Variants in INS observed in about 807,000 individuals in gnomAD.
The protein encoded by INS is preproinsulin.
INS carries 6 observed loss-of-function variants against 10.5 expected under a neutral mutation model. The observed-to-expected ratio is 0.57, with a 90% CI of 0.31 to 1.13. The LOEUF (loss-of-function observed/expected upper bound fraction) is 1.13. INS is among the 50% of genes most tolerant of loss of function. INS has a pLI of 0.05. For synonymous variants in INS, 71 were observed against 62.7 expected (o/e 1.13, Z -0.63); for missense variants, 109 against 138.6 (o/e 0.79, Z 1.07).
chr11:2,159,919 C>T lies in INS; in HGVS notation c.266G>A (p.Arg89His), dbSNP rs28933985. 12 of 1,603,692 alleles carry T rather than the reference C, an allele frequency of 7.5e-6. No homozygotes were observed. The highest frequency in any genetic ancestry group is 1.3e-5 in the African/African-American group (1 of 74,868). Residue 89 changes from arginine (R) to histidine (H), a missense_variant, in exon 3 of 3, where the codon CGT becomes CAT. Arg to His is a conservative substitution (Grantham distance 29). This residue lies in a region of INS where 108 missense variants were observed against 118.0 expected (regional missense o/e 0.92). Coordinates refer to ENST00000381330, the MANE Select transcript of INS (RefSeq NM_000207.3). The stretch of plus-strand genomic sequence containing the variant: ...GGTACAGCATTGTTCCACAATGCCA[C>T]GCTTCTGCAGGGACCCCTCCAGGGC... ...PLALEGSLQK[R>H]GIVEQCCTSI...
At position 2,159,822 on chromosome 11, in the gene INS, G is replaced by A. The variant is rs753183182; in HGVS notation, c.*30C>T. 11 of 1,607,720 alleles carry A rather than the reference G, an allele frequency of 6.8e-6. No individual in the cohort carries two copies. Among genetic ancestry groups the A allele is most frequent in the South Asian group, 3.3e-5 (3 of 89,802 alleles). ...TTCCATCTCTCTCGGTGCAGGAGGC[G>A]GCGGGTGTGGGGCTGCCTGCGGGCT... is the stretch of plus-strand genomic sequence containing the variant. On this transcript the variant is annotated 3_prime_UTR_variant, in exon 3 of 3. Coordinates refer to ENST00000381330, the MANE Select transcript of INS (RefSeq NM_000207.3).
At position 2,160,898 on chromosome 11, in the gene INS, A is replaced by G; in HGVS notation, c.74T>C (p.Phe25Ser). The G allele has an allele frequency of 6.2e-7, 1 of 1,612,642 alleles. No homozygotes were observed. Among genetic ancestry groups the G allele is most frequent in the Non-Finnish European group, 8.5e-7 (1 of 1,179,834 alleles). ...ALWGPDPAAA[F>S]VNQHLCGSHL... is the part of the protein sequence containing the mutation. ...TGAGCCGCACAGGTGTTGGTTCACAAAGGCTGCGGCTGGGTCAGGTCCCCA... is the reference window on the plus strand; with the variant it reads ...TGAGCCGCACAGGTGTTGGTTCACAGAGGCTGCGGCTGGGTCAGGTCCCCA... Residue 25 changes from phenylalanine to serine, a missense_variant, in exon 2 of 3, where the codon TTT (phenylalanine) becomes TCT (serine). Physicochemically the swap from Phe to Ser is radical, Grantham distance 155. This residue lies in a region of INS where 108 missense variants were observed against 118.0 expected (regional missense o/e 0.92). Coordinates refer to ENST00000381330, the MANE Select transcript of INS (RefSeq NM_000207.3).
In INS at chr11:2,161,119, C is replaced by T. The variant is rs535108540; in HGVS notation, c.-18+49G>A. ...TGCAGAGCTGGGGCCTGGGGTCCAG[C>T]CACCCTGGAATCCTGAGCCCACCTG... On this transcript the variant is annotated intron_variant, in intron 1 of 2. Transcript: ENST00000381330. 49 of 1,186,784 alleles carry T rather than the reference C, an allele frequency of 4.1e-5. No individual in the cohort carries two copies. In the East Asian group the frequency reaches 1.1e-3, roughly 26 times the overall value. 73.5% of individuals were successfully genotyped at this position (1,186,784 alleles called of 1,614,324 possible).
In INS at chr11:2,160,806, G is replaced by A. The variant is rs781016664; in HGVS notation, c.166C>T (p.Arg56Trp). Residue 56 changes from arginine to tryptophan, a missense_variant, in exon 2 of 3, where the codon CGG becomes TGG. Arg to Trp is a moderately radical substitution (Grantham distance 101). Coordinates refer to ENST00000381330, the MANE Select transcript of INS (RefSeq NM_000207.3). ...RGFFYTPKTR[R>W]EAEDLQVGQV... ...TCACCCTGCAGGTCCTCTGCCTCCC[G>A]GCGGGTCTTGGGTGTGTAGAAGAAG... The A allele has an allele frequency of 6.2e-6, 10 of 1,612,410 alleles. No individual in the cohort carries two copies. Among genetic ancestry groups the A allele is most frequent in the Middle Eastern group, 1.7e-4 (1 of 6,056 alleles).
Position 2,159,839 on chromosome 11 carries a change from C to G in INS, c.*13G>C. 1 of 1,610,506 alleles carries G rather than the reference C, an allele frequency of 6.2e-7. No homozygotes were observed. Among genetic ancestry groups the G allele is most frequent in the Non-Finnish European group, 8.5e-7 (1 of 1,179,106 alleles). The stretch of plus-strand genomic sequence containing the variant: ...CAGGAGGCGGCGGGTGTGGGGCTGC[C>G]TGCGGGCTGCGTCTAGTTGCAGTAG... On this transcript the variant is annotated 3_prime_UTR_variant, in exon 3 of 3. Transcript: ENST00000381330.
intron 2 of INS, 96 bp from the exon 3 acceptor site, chr11:2,160,093 C>G: frequency 7.4e-7 from 1 of 1,348,130 alleles, no homozygotes; most frequent in South Asian, 1.3e-5. Context: ...CCCGCCTGCC[C>G]GCCAGCCCTA....
At chr11:2,160,577 C>A (rs1309700339) in intron 2 of INS, among the ~76,000 whole-genome samples, 2 of 152,194 alleles carry the variant, frequency 1.3e-5, no homozygotes, top group Non-Finnish European at 2.9e-5. Context: ...CTGCCGAAGC[C>A]AACACCGTCC....
Position 2,160,029 on chromosome 11 carries a change from G to A in INS, c.188-32C>T, listed in dbSNP as rs13306443. On this transcript the variant is annotated intron_variant, in intron 2 of 2. Coordinates refer to ENST00000381330, the MANE Select transcript of INS (RefSeq NM_000207.3). ...GGACGTGCCGCGCAGAGCAGGTTCC[G>A]GAACAGCGGCGAGGCAGAGGGACAC... 1.1e-4 allele frequency: 168 copies of A among 1,558,464 alleles called. 1 individual carries two copies. The East Asian group carries it at 3.7e-3, about 34-fold the overall frequency.
intron 2 of INS, 37 bp downstream of exon 2, chr11:2,160,748 G>A (rs775130238): frequency 3.1e-6 from 5 of 1,602,848 alleles, no homozygotes; most frequent in East Asian, 4.5e-5. Flanking sequence ...GGGGGTGGCT[G>A]GGGGCGGCCA....
Position 2,161,167 on chromosome 11 carries a change from C to T in INS, c.-18+1G>A. 1.4e-6 allele frequency: 1 copy of T among 713,644 alleles called. No individual in the cohort carries two copies. The highest frequency in any genetic ancestry group is 2.2e-6 in the Non-Finnish European group (1 of 444,700). 44.2% of individuals were successfully genotyped at this position (713,644 alleles called of 1,614,324 possible). On this transcript the variant is annotated splice_donor_variant, in intron 1 of 2. Transcript: ENST00000381330. LOFTEE classifies it low-confidence loss of function (5UTR_SPLICE). ...CTGACGCAAAGGCCCTTGGAACAGACCTGCTTGATGGCCTCTTCTGATGCA... is the reference window on the plus strand; with the variant it reads ...CTGACGCAAAGGCCCTTGGAACAGATCTGCTTGATGGCCTCTTCTGATGCA...
intron 2 of INS, 100 bp downstream of exon 2, chr11:2,160,685 G>A: frequency 2.1e-6 from 3 of 1,462,444 alleles, no homozygotes; most frequent in African/African-American, 2.8e-5. Flanking sequence ...CCCCCTGCTG[G>A]GTGGCAGCCT....
In INS at chr11:2,160,810, G is replaced by A. The variant is rs769540056; in HGVS notation, c.162C>T (p.Thr54=). ...CCTGCAGGTCCTCTGCCTCCCGGCG[G>A]GTCTTGGGTGTGTAGAAGAAGCCTC... ...GERGFFYTPK[T]RREAEDLQVG... Residue 54 remains threonine, a synonymous_variant, in exon 2 of 3, where the codon ACC becomes ACT. Transcript: ENST00000381330. 6.2e-7 allele frequency: 1 copy of A among 1,612,546 alleles called. No individual in the cohort carries two copies. The highest frequency in any genetic ancestry group is 1.7e-5 in the Admixed American group (1 of 60,006).
Position 2,160,823 on chromosome 11 carries a change from T to G in INS, c.149A>C (p.Tyr50Ser). ...YLVCGERGFF[Y>S]TPKTRREAED... is the part of the protein sequence containing the mutation. ...TGCCTCCCGGCGGGTCTTGGGTGTG[T>G]AGAAGAAGCCTCGTTCCCCGCACAC... Residue 50 changes from tyrosine to serine, a missense_variant, in exon 2 of 3, where the codon TAC becomes TCC. Tyr to Ser is a moderately radical substitution (Grantham distance 144, BLOSUM62 -2). This residue lies in a region of INS where 108 missense variants were observed against 118.0 expected (regional missense o/e 0.92). Transcript: ENST00000381330. 2 of 1,612,560 alleles carry G rather than the reference T, an allele frequency of 1.2e-6. No homozygotes were observed. Among genetic ancestry groups the G allele is most frequent in the Non-Finnish European group, 1.7e-6 (2 of 1,179,780 alleles).
Position 2,160,905 on chromosome 11 carries a change from C to T in INS, c.67G>A (p.Ala23Thr), listed in dbSNP as rs13306444. 5.8e-4 allele frequency: 936 copies of T among 1,612,632 alleles called. 12 individuals are homozygous for T. In the East Asian group the frequency reaches 0.02, roughly 34 times the overall value. ...CACAGGTGTTGGTTCACAAAGGCTG[C>T]GGCTGGGTCAGGTCCCCAGAGGGCC... Reference protein sequence around the residue: ...LLALWGPDPAAAFVNQHLCGS... With the variant: ...LLALWGPDPATAFVNQHLCGS... The change falls in exon 2 of 3, where the codon GCA becomes ACA. Residue 23 changes from alanine (A) to threonine (T), a missense_variant. Ala to Thr is a moderately conservative substitution (Grantham distance 58). Transcript: ENST00000381330.
At chr11:2,160,676 C>A (rs1845868910) in intron 2 of INS, 109 bp downstream of exon 2, 3 of 1,370,664 alleles carry the variant, frequency 2.2e-6, no homozygotes, top group African/African-American at 1.4e-5. Flanking sequence ...TGCACCTGAC[C>A]CCCTGCTGGG....
Position 2,160,771 on chromosome 11 carries a change from G to T in INS, c.187+14C>A. 1.2e-6 allele frequency: 2 copies of T among 1,610,548 alleles called. No individual in the cohort carries two copies. Among genetic ancestry groups the T allele is most frequent in the Non-Finnish European group, 1.7e-6 (2 of 1,178,126 alleles). On this transcript the variant is annotated intron_variant, in intron 2 of 2. Transcript: ENST00000381330. ...CTGGGGGCGGCCAGGGGCAGCAATG[G>T]GCAGTTGGCTCACCCTGCAGGTCCT...
In INS at chr11:2,159,991, T is replaced by A. The variant is rs773102009; in HGVS notation, c.194A>T (p.Gln65Leu). The A allele has an allele frequency of 2.5e-6, 4 of 1,583,504 alleles. No individual in the cohort carries two copies. In the Admixed American group the frequency reaches 5.4e-5, roughly 21 times the overall value. ...RREAEDLQVG[Q>L]VELGGGPGAG... ...ACCAGGGCCCCCGCCCAGCTCCACC[T>A]GCCCCACTGCCAGGACGTGCCGCGC... is the stretch of plus-strand genomic sequence containing the variant. The change falls in exon 3 of 3, where the codon CAG (glutamine) becomes CTG (leucine). Residue 65 changes from glutamine to leucine, a missense_variant. By Grantham distance (113) the Gln-to-Leu change is moderately radical (BLOSUM62 -2). This residue lies in a region of INS where 108 missense variants were observed against 118.0 expected (regional missense o/e 0.92). Transcript: ENST00000381330.
chr11:2,160,839 C>T lies in INS; in HGVS notation c.133G>A (p.Glu45Lys). 2 of 1,612,686 alleles carry T rather than the reference C, an allele frequency of 1.2e-6. 1 individual carries two copies. The highest frequency in any genetic ancestry group is 2.2e-5 in the South Asian group (2 of 91,084). The part of the protein sequence containing the change: ...LVEALYLVCG[E>K]RGFFYTPKTR... ...TTGGGTGTGTAGAAGAAGCCTCGTT[C>T]CCCGCACACTAGGTAGAGAGCTTCC... is the stretch of plus-strand genomic sequence containing the variant. Residue 45 changes from glutamate to lysine, a missense_variant, in exon 2 of 3, where the codon GAA becomes AAA. Physicochemically the swap from Glu to Lys is moderately conservative, Grantham distance 56. Around this residue, in one of 2 missense-constraint regions of INS, gnomAD observed 108 missense variants for 118.0 expected, o/e 0.92. Coordinates refer to ENST00000381330, the MANE Select transcript of INS (RefSeq NM_000207.3).
rs121908279 is a variant in INS, at chr11:2,159,983, G to T, written c.202C>A (p.Leu68Met). Residue 68 changes from leucine (L) to methionine (M), a missense_variant, in exon 3 of 3, where the codon CTG becomes ATG. By Grantham distance (15) the Leu-to-Met change is conservative. This residue lies in a region of INS where 108 missense variants were observed against 118.0 expected (regional missense o/e 0.92). Coordinates refer to ENST00000381330, the MANE Select transcript of INS (RefSeq NM_000207.3). ...CTGCCTGCACCAGGGCCCCCGCCCA[G>T]CTCCACCTGCCCCACTGCCAGGACG... ...AEDLQVGQVE[L>M]GGGPGAGSLQ... 92 of 1,585,938 alleles carry T rather than the reference G, an allele frequency of 5.8e-5. No homozygotes were observed. The highest frequency in any genetic ancestry group is 1.8e-4 in the Middle Eastern group (1 of 5,562).
Sources: gnomAD v4.1 joint callset for allele counts (sites outside exome capture counted in the v4.1 genomes callset) on GRCh38, gnomAD v4.1.1 for gene constraint, gnomAD v4.1.1 regional missense constraint, MANE v1.5 for transcripts, NCBI Gene and HGNC (gene_info 2026-07-23, HGNC 2026-07-21) for gene names.